TRIM26: variants seen among roughly 807,000 people sequenced by gnomAD.
TRIM26 encodes the protein tripartite motif containing 26, also known as tripartite motif-containing protein 26.
TRIM26 carries 16 observed loss-of-function variants against 45.5 expected under a neutral mutation model. The observed-to-expected ratio is 0.35, with a 90% confidence interval of 0.24 to 0.53. The LOEUF (loss-of-function observed/expected upper bound fraction) is 0.53, where lower values mean the gene tolerates loss of function less well. Ranked by LOEUF, TRIM26 falls within the 20% of genes least tolerant of loss-of-function variation. TRIM26 has a pLI of 0.92. For missense variants in TRIM26, 442 were observed against 691.1 expected (o/e 0.64, Z 4.04); for synonymous variants, 273 against 290.4 (o/e 0.94, Z 0.61).
At chr6:30,188,872 T>C (rs923077528) in intron 9 of TRIM26, among the ~76,000 whole-genome samples, 1 of 152,024 alleles carries the variant, frequency 6.6e-6, no homozygotes, top group African/African-American at 2.4e-5. Flanking sequence ...GCCAGGAAGA[T>C]GAGAGAAAGC....
At chr6:30,197,636 A>C (rs1199952010) in intron 5 of TRIM26, among the ~76,000 whole-genome samples, 1 of 152,218 alleles carries the variant, frequency 6.6e-6, no homozygotes. Flanking sequence ...CCCCAAGGAT[A>C]CCAAAATCCA....
intron 5 of TRIM26, among the ~76,000 whole-genome samples, chr6:30,197,234 C>A (rs1191149265): frequency 6.6e-6 from 1 of 152,190 alleles, no homozygotes; most frequent in East Asian, 1.9e-4. Flanking sequence ...CCTGTTTCCT[C>A]AGCAAAATTG....
At chr6:30,204,295 A>G (rs1777497477) in intron 2 of TRIM26, among the ~76,000 whole-genome samples, 1 of 152,180 alleles carries the variant, frequency 6.6e-6, no homozygotes, top group African/African-American at 2.4e-5. Flanking sequence ...ACACTGTAAA[A>G]TGGGGTCTAA....
chr6:30,200,505 T>C (rs1363822233), intron 3 of TRIM26, among the ~76,000 whole-genome samples: 1 of 152,204 alleles, frequency 6.6e-6, no homozygotes, highest in Non-Finnish European at 1.5e-5. Context: ...TTAGCCTCAG[T>C]GGACTTGTTC....
In TRIM26 at chr6:30,209,976, G is replaced by A. The variant is rs2127537789; in HGVS notation, c.-376+3329C>T. Among the ~76,000 whole-genome samples the A allele has an allele frequency of 6.6e-6, 1 of 152,264 alleles. No individual in the cohort carries two copies. The highest frequency in any genetic ancestry group is 1.5e-5 in the Non-Finnish European group (1 of 68,020). Reference sequence around the variant, plus strand: ...AATCCCAGCACTTTGGGAGGCCGAGGTGGGCAGATCATGAGGTCAAGAGAT... The same window carrying A: ...AATCCCAGCACTTTGGGAGGCCGAGATGGGCAGATCATGAGGTCAAGAGAT... On this transcript the variant is annotated intron_variant, in intron 1 of 9. Coordinates refer to ENST00000454678, the MANE Select transcript of TRIM26 (RefSeq NM_003449.5). The surrounding 1 kb of genome is among the most constrained non-coding windows in gnomAD (Gnocchi z 4.8).
intron 6 of TRIM26, among the ~76,000 whole-genome samples, chr6:30,194,410 G>A (rs1776252359): frequency 6.6e-6 from 1 of 152,156 alleles, no homozygotes; most frequent in Non-Finnish European, 1.5e-5. Context: ...GCATTGCAGG[G>A]AGAATATAAT....
chr6:30,193,130 ACATATATGTGTGTGTG>A (rs1776063456), intron 6 of TRIM26, among the ~76,000 whole-genome samples: 6 of 63,670 alleles, frequency 9.4e-5, no homozygotes, highest in Non-Finnish European at 1.8e-4. Context: ...ATATATATAT[ACATATATGTGTGTGTG>A]TGTGTGTGTG....
chr6:30,194,624 G>A (rs1776269621), intron 6 of TRIM26, among the ~76,000 whole-genome samples: 1 of 152,238 alleles, frequency 6.6e-6, no homozygotes, highest in African/African-American at 2.4e-5. Flanking sequence ...GGGAGGCTGA[G>A]GCAGGCGATC....
intron 6 of TRIM26, among the ~76,000 whole-genome samples, chr6:30,194,182 A>G (rs1047161910): frequency 6.6e-6 from 1 of 152,230 alleles, no homozygotes; most frequent in Non-Finnish European, 1.5e-5. Context: ...ATGTGGACTC[A>G]ATCTAAGCAT....
intron 1 of TRIM26, among the ~76,000 whole-genome samples, chr6:30,210,339 C>G (rs572311260): frequency 6.6e-6 from 1 of 152,238 alleles, no homozygotes; most frequent in South Asian, 2.1e-4. Context: ...ACCAGGAAGA[C>G]AGCCCCTTCT....
intron 1 of TRIM26, among the ~76,000 whole-genome samples, chr6:30,206,653 C>G (rs926625345): frequency 6.6e-6 from 1 of 152,226 alleles, no homozygotes; most frequent in Non-Finnish European, 1.5e-5. Flanking sequence ...AATCCTTTAT[C>G]ATCTTGTGGA....
intron 1 of TRIM26, among the ~76,000 whole-genome samples, chr6:30,205,970 T>C (rs185238169): frequency 6.6e-6 from 1 of 152,296 alleles, no homozygotes. Flanking sequence ...TTCAGGCCTC[T>C]CTTGAGTATC....
intron 9 of TRIM26, chr6:30,188,217 C>CAAAAAAAAAAAAAAAAAAA: frequency 9.6e-6 from 1 of 104,122 alleles, no homozygotes; most frequent in Non-Finnish European, 1.7e-5. Context: ...GACTCCGTCT[C>CAAAAAAAAAAAAAAAAAAA]AAAAAAAAAA....
chr6:30,210,441 C>T (rs1426882427), intron 1 of TRIM26, among the ~76,000 whole-genome samples: 1 of 152,212 alleles, frequency 6.6e-6, no homozygotes, highest in Non-Finnish European at 1.5e-5. Context: ...GTCCCCTTAT[C>T]TGTGAGGTGT....
intron 6 of TRIM26, among the ~76,000 whole-genome samples, chr6:30,195,872 G>T (rs1776407625): frequency 6.6e-6 from 1 of 152,198 alleles, no homozygotes; most frequent in African/African-American, 2.4e-5. Flanking sequence ...ATCCCCAGAG[G>T]CTCCCGGGGG....
At chr6:30,193,084 ATACATATATATGTATC>A (rs1308026038) in intron 6 of TRIM26, among the ~76,000 whole-genome samples, 33 of 139,980 alleles carry the variant, frequency 2.4e-4, no homozygotes, top group African/African-American at 5.7e-4. Context: ...ATATGTATAT[ATACATATATATGTATC>A]TATATACATA....
At position 30,186,092 on chromosome 6, in the gene TRIM26, G is replaced by A. The variant is rs781555270; in HGVS notation, c.1404C>T (p.Ser468=). The A allele has an allele frequency of 1.3e-5, 20 of 1,592,556 alleles. No homozygotes were observed. Among genetic ancestry groups the A allele is most frequent in the Middle Eastern group, 1.7e-4 (1 of 6,044 alleles). Residue 468 remains serine, a synonymous_variant, in exon 10 of 10, where the codon TCC becomes TCT. Transcript: ENST00000454678. The surrounding 1 kb of genome is among the most constrained non-coding windows in gnomAD (Gnocchi z 7.4). ...CGGGGCTGGTGTTGGCCCAGATGCC[G>A]GAGGAGGAGAGGCGCAGCGCCCACA... ...DGVWALRLSS[S]GIWANTSPEA...
intron 1 of TRIM26, among the ~76,000 whole-genome samples, chr6:30,205,156 G>C (rs963090189): frequency 3.3e-5 from 5 of 152,108 alleles, no homozygotes; most frequent in Non-Finnish European, 2.9e-5. Flanking sequence ...CAGGAGAATC[G>C]CTTGAACCCA....
At position 30,209,928 on chromosome 6, in the gene TRIM26, C is replaced by T. The variant is rs749678086; in HGVS notation, c.-376+3377G>A. On this transcript the variant is annotated intron_variant, in intron 1 of 9. Transcript: ENST00000454678. This position sits in a 1 kb window ranked among gnomAD's most constrained non-coding sequence, Gnocchi z 4.8. ...CTGAGGTCAAAACTGCACAGGTGGC[C>T]GGGCACGGTGCCTCACGCCTGTAAT... Among the ~76,000 whole-genome samples the T allele has an allele frequency of 1.3e-5, 2 of 152,010 alleles. No homozygotes were observed. The highest frequency in any genetic ancestry group is 2.4e-5 in the African/African-American group (1 of 41,400).
Sources: gnomAD v4.1 joint callset for allele counts (sites outside exome capture counted in the v4.1 genomes callset) on GRCh38, gnomAD v4.1.1 for gene constraint, Gnocchi (gnomAD v3.1) non-coding constraint, MANE v1.5 for transcripts, NCBI Gene and HGNC (gene_info 2026-07-23, HGNC 2026-07-21) for gene names.